Variants in COL13A1 observed in about 807,000 individuals in gnomAD.
COL13A1 encodes collagen alpha-1(XIII) chain.
In COL13A1, 89 loss-of-function variants were observed where a neutral mutation model predicts 130.9. That is an observed-to-expected ratio of 0.68 (90% CI 0.57 to 0.81). The LOEUF is 0.81. COL13A1 is among the 30% of genes least tolerant of loss of function. The pLI is 0.00. For missense variants in COL13A1, 879 were observed against 934.6 expected, an observed-to-expected ratio of 0.94 and a Z score of 0.78; for synonymous variants, 402 against 341.6, an observed-to-expected ratio of 1.18 and a Z score of -1.95.
intron 29 of COL13A1, 67 bp downstream of exon 29, chr10:69,930,154 C>T (rs2065915971): frequency 6.5e-7 from 1 of 1,528,302 alleles, no homozygotes; most frequent in African/African-American, 1.4e-5. Flanking sequence ...GGAGGTCGGG[C>T]AGGAAGGCTC....
chr10:69,938,345 C>T (rs2067210844), intron 34 of COL13A1, among the ~76,000 whole-genome samples: 1 of 152,136 alleles, frequency 6.6e-6, no homozygotes, highest in African/African-American at 2.4e-5. Context: ...CTCTTCACTG[C>T]CTCACCTGTG....
chr10:69,888,273 C>T (rs762435794), intron 8 of COL13A1, 31 bp from the exon 9 acceptor site: 3 of 1,611,876 alleles, frequency 1.9e-6, no homozygotes, highest in South Asian at 2.2e-5. Context: ...CTGTGATGCT[C>T]AGTCTTTACA....
intron 31 of COL13A1, among the ~76,000 whole-genome samples, chr10:69,934,451 C>G (rs530466729): frequency 6.6e-6 from 1 of 152,306 alleles, no homozygotes; most frequent in African/African-American, 2.4e-5. Flanking sequence ...TCCTGTCTGC[C>G]CAGTGTAGGG....
At chr10:69,955,684 C>A (rs1370716068) in intron 39 of COL13A1, 3 of 152,202 alleles carry the variant, frequency 2.0e-5, no homozygotes, top group African/African-American at 7.2e-5. Context: ...GTGGAATGCA[C>A]CTCCTCCCCC....
intron 17 of COL13A1, among the ~76,000 whole-genome samples, chr10:69,908,875 A>G (rs1243430140): frequency 6.6e-6 from 1 of 150,700 alleles, no homozygotes; most frequent in East Asian, 2.0e-4. Flanking sequence ...GCAAGTGCCA[A>G]TGAATAAACT....
chr10:69,940,901 C>G, intron 34 of COL13A1, 87 bp from the exon 35 acceptor site: 6 of 1,561,068 alleles, frequency 3.8e-6, no homozygotes, highest in Non-Finnish European at 5.3e-6. Context: ...CACTGCTTTA[C>G]TCACCTCTTC....
At chr10:69,888,987 G>C (rs545949763) in intron 9 of COL13A1, among the ~76,000 whole-genome samples, 1 of 152,156 alleles carries the variant, frequency 6.6e-6, no homozygotes, top group Non-Finnish European at 1.5e-5. Flanking sequence ...CCCGCCACTC[G>C]CCTCTCTCAG....
At position 69,927,106 on chromosome 10, in the gene COL13A1, T is replaced by A. The variant is rs1379781025; in HGVS notation, c.1418T>A (p.Leu473Ter). The A allele has an allele frequency of 6.2e-7, 1 of 1,613,768 alleles. No homozygotes were observed. Among genetic ancestry groups the A allele is most frequent in the Admixed American group, 1.7e-5 (1 of 60,006 alleles). Reference protein sequence around the residue: ...EALQEIRTLALMGPPGLPGQI... With the variant: ...EALQEIRTLA The stretch of plus-strand genomic sequence containing the variant: ...TTTTAGGAGATCCGGACGCTGGCCT[T>A]GATGGTAAGTTTTGCTCCTCCTGGC... Residue 473 changes from leucine (L) to a stop codon, truncating the protein, a stop_gained, in exon 27 of 41, where the codon TTG becomes TAG. Coordinates refer to ENST00000645393, the MANE Select transcript of COL13A1 (RefSeq NM_001368882.1). LOFTEE classifies it high-confidence loss of function.
intron 3 of COL13A1, 86 bp downstream of exon 3, chr10:69,867,891 C>T (rs1214316725): frequency 7.0e-6 from 5 of 713,508 alleles, no homozygotes; most frequent in African/African-American, 7.0e-5. Context: ...GCACTGAAAG[C>T]TGGGCCCCTG....
intron 1 of COL13A1, among the ~76,000 whole-genome samples, chr10:69,808,684 G>C (rs949315856): frequency 1.3e-5 from 2 of 152,198 alleles, no homozygotes; most frequent in Non-Finnish European, 2.9e-5. Context: ...CACATGACCC[G>C]ATGACAGCGA....
intron 2 of COL13A1, among the ~76,000 whole-genome samples, chr10:69,838,042 G>A (rs1391455586): frequency 2.6e-5 from 4 of 152,224 alleles, no homozygotes; most frequent in African/African-American, 7.2e-5. Context: ...AGGAGGCCAG[G>A]GCCCTGTGGG....
intron 1 of COL13A1, among the ~76,000 whole-genome samples, chr10:69,814,313 A>T (rs1461203428): frequency 6.6e-6 from 1 of 152,108 alleles, no homozygotes; most frequent in Non-Finnish European, 1.5e-5. Flanking sequence ...AGGGGCTCTG[A>T]GTTTCCCAGG....
intron 14 of COL13A1, among the ~76,000 whole-genome samples, chr10:69,901,421 C>T (rs916123117): frequency 2.0e-5 from 3 of 152,228 alleles, no homozygotes; most frequent in African/African-American, 7.2e-5. Context: ...TCCTATTTAT[C>T]ACCACCACTT....
intron 2 of COL13A1, among the ~76,000 whole-genome samples, chr10:69,866,829 A>G (rs2058566965): frequency 6.6e-6 from 1 of 152,102 alleles, no homozygotes; most frequent in South Asian, 2.1e-4. Flanking sequence ...GAGCACGGGG[A>G]AACATAGGAG....
intron 37 of COL13A1, 35 bp downstream of exon 37, chr10:69,945,759 C>A: frequency 1.3e-6 from 2 of 1,593,970 alleles, no homozygotes; most frequent in Non-Finnish European, 1.7e-6. Context: ...CCTCTCCTCC[C>A]ACCCCTGCCC....
chr10:69,839,182 G>T (rs61849202), intron 2 of COL13A1, among the ~76,000 whole-genome samples: 6 of 151,952 alleles, frequency 3.9e-5, no homozygotes, highest in Admixed American at 3.3e-4. Context: ...TCATTCATTC[G>T]TTCGTTCGTT....
At chr10:69,888,759 C>T (rs1196022567) in intron 9 of COL13A1, among the ~76,000 whole-genome samples, 1 of 152,156 alleles carries the variant, frequency 6.6e-6, no homozygotes, top group Non-Finnish European at 1.5e-5. Flanking sequence ...CCGATTGAGA[C>T]CCCACACGTG....
chr10:69,875,245 G>A, intron 5 of COL13A1, 82 bp downstream of exon 5: 19 of 1,561,300 alleles, frequency 1.2e-5, no homozygotes, highest in Non-Finnish European at 1.6e-5. Flanking sequence ...ATGGCAATGT[G>A]CTGTCTATCC....
chr10:69,945,627 T>C (rs1279190758), intron 36 of COL13A1, 44 bp from the exon 37 acceptor site: 1 of 1,598,674 alleles, frequency 6.3e-7, no homozygotes, highest in Admixed American at 1.7e-5. Flanking sequence ...GGAAGATTGT[T>C]ACCGTGTCTG....
Sources: allele counts gnomAD v4.1 joint callset (sites outside exome capture counted in the v4.1 genomes callset), GRCh38; gene constraint gnomAD v4.1.1; transcripts MANE v1.5; gene names NCBI Gene and HGNC (gene_info 2026-07-23, HGNC 2026-07-21).